TMEM181: variants seen among roughly 807,000 people sequenced by gnomAD.
The protein encoded by TMEM181 is G protein-coupled receptor 178.
In TMEM181, 39 loss-of-function variants were observed where a neutral mutation model predicts 71.9. That is an observed-to-expected ratio of 0.54 (90% CI 0.42 to 0.71). The LOEUF (loss-of-function observed/expected upper bound fraction) is 0.71. Ranked by LOEUF, TMEM181 falls within the 30% of genes least tolerant of loss-of-function variation. TMEM181 has a pLI of 0.00. For synonymous variants in TMEM181, 245 were observed against 228.8 expected (o/e 1.07, Z -0.64); for missense variants, 595 against 583.0 (o/e 1.02, Z -0.21).
intron 3 of TMEM181, among the ~76,000 whole-genome samples, 171 bp from the exon 4 acceptor site, chr6:158,583,783 G>C (rs1783607468): frequency 1.3e-5 from 2 of 152,192 alleles, no homozygotes; most frequent in South Asian, 4.1e-4. Context: ...CTAGGCGACA[G>C]AGTGAGACTC....
intron 10 of TMEM181, among the ~76,000 whole-genome samples, chr6:158,609,333 C>T (rs890588659): frequency 1.3e-5 from 2 of 151,182 alleles, no homozygotes; most frequent in Non-Finnish European, 1.5e-5. Context: ...TTTTTTTAGA[C>T]GAATAGGAGG....
At chr6:158,629,902 C>T in intron 15 of TMEM181, 83 bp downstream of exon 15, 2 of 1,151,342 alleles carry the variant, frequency 1.7e-6, no homozygotes, top group Non-Finnish European at 2.6e-6. Flanking sequence ...TCCCGGGTTT[C>T]CCATTCATGT....
intron 1 of TMEM181, among the ~76,000 whole-genome samples, chr6:158,551,720 A>C (rs550991894): frequency 6.6e-6 from 1 of 152,212 alleles, no homozygotes; most frequent in Non-Finnish European, 1.5e-5. Flanking sequence ...TAGATTTAAC[A>C]TAACACGTAA....
At chr6:158,587,517 A>G (rs1783836968) in intron 5 of TMEM181, among the ~76,000 whole-genome samples, 1 of 151,622 alleles carries the variant, frequency 6.6e-6, no homozygotes, top group Admixed American at 6.6e-5. Flanking sequence ...TTTTTTAAAC[A>G]CACAGTCTTG....
chr6:158,585,518 A>T (rs752954019), intron 5 of TMEM181, 93 bp downstream of exon 5: 38 of 1,305,986 alleles, frequency 2.9e-5, no homozygotes, highest in Admixed American at 6.3e-5. Context: ...TAGCATGGTA[A>T]GAGGCTTCGA....
intron 15 of TMEM181, among the ~76,000 whole-genome samples, chr6:158,630,198 TGAGA>T (rs1260385737): frequency 6.6e-6 from 1 of 152,218 alleles, no homozygotes; most frequent in Non-Finnish European, 1.5e-5. Context: ...AGCAAATTCA[TGAGA>T]GAGTCACCAT....
upstream of TMEM181, among the ~76,000 whole-genome samples, chr6:158,557,553 T>C (rs902863258): frequency 2.0e-5 from 3 of 149,128 alleles, no homozygotes; most frequent in Non-Finnish European, 3.0e-5. Context: ...AGTCTTGCTC[T>C]GTTGCTCAGG....
At chr6:158,590,352 A>G (rs1784036936) in intron 6 of TMEM181, among the ~76,000 whole-genome samples, 1 of 147,724 alleles carries the variant, frequency 6.8e-6, no homozygotes, top group South Asian at 2.1e-4. Context: ...GTGAATATTA[A>G]ATGAAGATAC....
chr6:158,596,000 C>A (rs939600262), intron 6 of TMEM181, among the ~76,000 whole-genome samples: 15 of 152,158 alleles, frequency 9.9e-5, no homozygotes, highest in African/African-American at 3.4e-4. Context: ...CGGCTCACTG[C>A]AAGCTCCGCC....
At chr6:158,577,063 A>C (rs1783202911) in intron 2 of TMEM181, among the ~76,000 whole-genome samples, 1 of 49,754 alleles carries the variant, frequency 2.0e-5, no homozygotes, top group East Asian at 1.8e-3. Flanking sequence ...CTCCATCTCA[A>C]AAAAAAAAAA....
At chr6:158,611,657 C>A in intron 10 of TMEM181, 1 of 297,030 alleles carries the variant, frequency 3.4e-6, no homozygotes, top group South Asian at 3.2e-5. Flanking sequence ...TGCTCTGAAT[C>A]AGGCAGCCTT....
chr6:158,588,326 TC>T (rs1783900756), intron 5 of TMEM181, among the ~76,000 whole-genome samples: 1 of 152,222 alleles, frequency 6.6e-6, no homozygotes, highest in Non-Finnish European at 1.5e-5. Context: ...GGTGCTGCCT[TC>T]AGCCCCCTGC....
chr6:158,595,504 G>A (rs778007296), intron 6 of TMEM181, among the ~76,000 whole-genome samples: 5 of 152,144 alleles, frequency 3.3e-5, no homozygotes, highest in South Asian at 2.1e-4. Context: ...TCACAGCAGC[G>A]CAATTCTTAA....
At chr6:158,599,236 G>A (rs375813501) in intron 6 of TMEM181, among the ~76,000 whole-genome samples, 4 of 152,166 alleles carry the variant, frequency 2.6e-5, no homozygotes, top group East Asian at 1.9e-4. Flanking sequence ...GTGCCTGCAC[G>A]GAGGACAAGG....
intron 14 of TMEM181, 34 bp downstream of exon 14, chr6:158,628,524 A>G (rs1444622743): frequency 1.9e-6 from 3 of 1,591,376 alleles, no homozygotes; most frequent in Non-Finnish European, 2.6e-6. Flanking sequence ...TGGCTGCAGG[A>G]CGCCTGCTTA....
At chr6:158,621,960 T>C (rs1477601222) in intron 10 of TMEM181, among the ~76,000 whole-genome samples, 3 of 152,180 alleles carry the variant, frequency 2.0e-5, no homozygotes, top group Non-Finnish European at 4.4e-5. Context: ...CTCGCCCACC[T>C]GCCCTGGGCT....
At chr6:158,560,297 TC>T in intron 1 of TMEM181, 65 bp downstream of exon 1, 6 of 984,968 alleles carry the variant, frequency 6.1e-6, no homozygotes, top group Non-Finnish European at 7.2e-6. Flanking sequence ...AAGTTGGGGA[TC>T]CCTGGCTCCC....
intron 6 of TMEM181, among the ~76,000 whole-genome samples, chr6:158,591,755 G>GAAAA (rs1784122769): frequency 1.3e-5 from 2 of 152,146 alleles, no homozygotes; most frequent in South Asian, 2.1e-4. Context: ...AGCCTTTTAT[G>GAAAA]GTTCTCAGCA....
At chr6:158,624,057 C>T (rs959179630) in intron 11 of TMEM181, among the ~76,000 whole-genome samples, 12 of 152,166 alleles carry the variant, frequency 7.9e-5, no homozygotes, top group Admixed American at 2.6e-4. Context: ...CCACTGTACC[C>T]GGCAGAAAAG....
Sources: allele counts gnomAD v4.1 joint callset (sites outside exome capture counted in the v4.1 genomes callset), GRCh38; gene constraint gnomAD v4.1.1; transcripts MANE v1.5; gene names NCBI Gene and HGNC (gene_info 2026-07-23, HGNC 2026-07-21).